Variants in VRK3 observed in about 807,000 individuals in gnomAD.
VRK3 encodes the protein VRK serine/threonine kinase 3, also known as serine/threonine-protein kinase VRK3.
VRK3 carries 50 observed loss-of-function variants against 60.4 expected under a neutral mutation model. The ratio of observed to expected loss-of-function variants is 0.83; its 90% confidence interval spans 0.66 to 1.05. The LOEUF is 1.05. VRK3 is among the 50% of genes least tolerant of loss of function. VRK3 has a pLI of 0.00. For missense variants in VRK3, 549 were observed against 585.3 expected, an observed-to-expected ratio of 0.94 and a Z score of 0.64; for synonymous variants, 246 against 227.8, an observed-to-expected ratio of 1.08 and a Z score of -0.72.
chr19:49,980,103 TAGAG>T (rs1489470955), intron 13 of VRK3, among the ~76,000 whole-genome samples: 1 of 151,958 alleles, frequency 6.6e-6, no homozygotes, highest in Non-Finnish European at 1.5e-5. Flanking sequence ...AAATGAGCCT[TAGAG>T]AGCCAGAGGG....
chr19:49,981,941 G>C (rs2076430031), intron 12 of VRK3: 4 of 684,916 alleles, frequency 5.8e-6, no homozygotes. Context: ...GTGCCTGAGA[G>C]GGGGTCACTG....
chr19:50,007,865 A>G (rs1419976172), intron 4 of VRK3, 39 bp from the exon 5 acceptor site: 3 of 1,608,288 alleles, frequency 1.9e-6, no homozygotes, highest in Non-Finnish European at 2.5e-6. Flanking sequence ...AGCACCATCC[A>G]GGAGAGAAAA....
chr19:50,025,077 AG>A (rs1390788007), intron 1 of VRK3, 189 bp downstream of exon 1: 1 of 152,228 alleles, frequency 6.6e-6, no homozygotes, highest in Non-Finnish European at 1.5e-5. Context: ...CCCAACACGG[AG>A]CCCAAGGTGG....
intron 12 of VRK3, among the ~76,000 whole-genome samples, chr19:49,983,601 T>C (rs928549827): frequency 6.6e-6 from 1 of 152,228 alleles, no homozygotes; most frequent in Admixed American, 6.5e-5. Context: ...TGGCTCTCAT[T>C]TGTGCTTTGC....
chr19:49,999,728 C>T (rs992516437), intron 6 of VRK3: 4 of 152,152 alleles, frequency 2.6e-5, no homozygotes, highest in Non-Finnish European at 5.9e-5. Context: ...GGGGCCAACT[C>T]ATCATCACCA....
At position 50,000,737 on chromosome 19, in the gene VRK3, G is replaced by T. The variant is rs2076789550; in HGVS notation, c.612+53C>A. The T allele has an allele frequency of 1.9e-6, 3 of 1,557,796 alleles. No homozygotes were observed. The African/African-American group carries it at 4.1e-5, about 21-fold the overall frequency. ...AGACGGGCTCAGAAGTCAAGGATGT[G>T]TTTGTGAAAGTCCCTCCCCTCCAAG... On this transcript the variant is annotated intron_variant, in intron 6 of 14. Coordinates refer to ENST00000316763, the MANE Select transcript of VRK3 (RefSeq NM_016440.4).
intron 3 of VRK3, among the ~76,000 whole-genome samples, chr19:50,011,124 G>A (rs1400967940): frequency 6.6e-6 from 1 of 152,092 alleles, no homozygotes; most frequent in Non-Finnish European, 1.5e-5. Context: ...AAGGCCCTAA[G>A]CTTTGTCTCC....
chr19:50,022,769 G>C (rs1039490211), intron 1 of VRK3, among the ~76,000 whole-genome samples: 13 of 152,044 alleles, frequency 8.6e-5, no homozygotes, highest in African/African-American at 3.1e-4. Context: ...ACTCCAGCCT[G>C]GGCAACAGAG....
At chr19:49,997,797 T>A (rs10407013) in intron 6 of VRK3, 10,273 of 473,384 alleles carry the variant, frequency 0.022, 878 homozygotes, top group African/African-American at 0.18. Context: ...GCCACAGTGT[T>A]CCCTAGAATG....
intron 4 of VRK3, chr19:50,008,895 C>A (rs1055579772): frequency 9.3e-6 from 2 of 214,382 alleles, no homozygotes; most frequent in Admixed American, 5.3e-5. Flanking sequence ...CAAGGTTAAT[C>A]CCCAAAAGTG....
At chr19:49,984,282 C>T (rs1456138223) in intron 12 of VRK3, among the ~76,000 whole-genome samples, 8 of 152,302 alleles carry the variant, frequency 5.3e-5, no homozygotes, top group Admixed American at 2.6e-4. Context: ...AGGAACCTGG[C>T]ACTGAATGCG....
chr19:49,979,155 G>C lies in VRK3; in HGVS notation c.1364C>G (p.Ala455Gly), dbSNP rs1329926801. ...PYAMLRNNLE[A>G]LLQDLRVSPY... ...AGACACACGCAGATCCTGCAGCAAA[G>C]CTTCTAGGTTGTTCCTCAGCATGGC... The change falls in exon 14 of 15, where the codon GCT becomes GGT. Residue 455 changes from alanine to glycine, a missense_variant. Transcript: ENST00000316763. The C allele has an allele frequency of 6.2e-7, 1 of 1,614,094 alleles. No individual in the cohort carries two copies. Among genetic ancestry groups the C allele is most frequent in the Admixed American group, 1.7e-5 (1 of 60,020 alleles).
intron 11 of VRK3, among the ~76,000 whole-genome samples, 154 bp from the exon 12 acceptor site, chr19:49,988,646 C>T (rs1336733560): frequency 6.6e-6 from 1 of 152,034 alleles, no homozygotes; most frequent in African/African-American, 2.4e-5. Flanking sequence ...CGCTCATTCA[C>T]TTTCATGAGT....
rs1455399728 is a variant in VRK3 at position 50,025,343 on chromosome 19, C to CA, written c.-142dup. 4 of 152,344 alleles carry CA rather than the reference C, an allele frequency of 2.6e-5. No individual in the cohort carries two copies. Among genetic ancestry groups the CA allele is most frequent in the African/African-American group, 9.6e-5 (4 of 41,474 alleles). The allele number at this position is 152,344 out of a possible 1,614,324, so 9.4% of individuals were successfully genotyped here. A position where few individuals can be genotyped will look rare whatever the true frequency, so the allele number is the denominator to read the frequency against. ...CGGATCCTCCGCAGTTACCCGGACTCACCTTCTCAGTTGCCCAGCGAAAAC... is the reference window on the plus strand; with the variant it reads ...CGGATCCTCCGCAGTTACCCGGACTCAACCTTCTCAGTTGCCCAGCGAAAAC... On this transcript the variant is annotated 5_prime_UTR_variant, in exon 1 of 15. Transcript: ENST00000316763.
intron 1 of VRK3, chr19:50,024,851 T>C (rs1209206505): frequency 1.3e-5 from 2 of 152,230 alleles, no homozygotes; most frequent in Non-Finnish European, 2.9e-5. Context: ...TCAACTACTG[T>C]ATAGTGTTCC....
intron 12 of VRK3, chr19:49,987,689 C>T (rs925246708): frequency 6.7e-6 from 1 of 149,314 alleles, no homozygotes; most frequent in Admixed American, 6.7e-5. Flanking sequence ...TAGTTTCCCA[C>T]ACACAATGAG....
chr19:50,009,147 C>T (rs1196723436), intron 4 of VRK3, 89 bp downstream of exon 4: 9 of 1,463,272 alleles, frequency 6.2e-6, no homozygotes, highest in South Asian at 1.3e-5. Context: ...ATGTTTGAGC[C>T]GGGGCTGTGG....
rs780966095 is a variant in VRK3, at chr19:49,980,975, C to A, written c.1256G>T (p.Gly419Val). 1 of 1,612,028 alleles carries A rather than the reference C, an allele frequency of 6.2e-7. No homozygotes were observed. Among genetic ancestry groups the A allele is most frequent in the South Asian group, 1.1e-5 (1 of 90,442 alleles). ...DKPGPFVGPC[G>V]HWIRPSETLQ... ...CGTACCTGAGGGCCTGATCCAGTGA[C>A]CGCAGGGTCCCACGAAGGGCCCCGG... The change falls in exon 13 of 15, where the codon GGT becomes GTT. Residue 419 changes from glycine to valine, a missense_variant. Physicochemically the swap from Gly to Val is moderately radical, Grantham distance 109. Coordinates refer to ENST00000316763, the MANE Select transcript of VRK3 (RefSeq NM_016440.4).
At chr19:49,988,994 A>C (rs2076564910) in intron 11 of VRK3, among the ~76,000 whole-genome samples, 1 of 152,164 alleles carries the variant, frequency 6.6e-6, no homozygotes, top group Non-Finnish European at 1.5e-5. Context: ...CCTGAGCATA[A>C]GACAACGCTT....
Sources: allele counts gnomAD v4.1 joint callset (sites outside exome capture counted in the v4.1 genomes callset), GRCh38; gene constraint gnomAD v4.1.1; transcripts MANE v1.5; gene names NCBI Gene and HGNC (gene_info 2026-07-23, HGNC 2026-07-21).